Variants in RMDN2 observed in about 807,000 individuals in gnomAD.
RMDN2 encodes regulator of microtubule dynamics 2.
In RMDN2, 61 loss-of-function variants were observed where a neutral mutation model predicts 52.8. The observed-to-expected ratio is 1.16, with a 90% CI of 0.94 to 1.43. RMDN2 has a LOEUF of 1.43. Ranked by LOEUF, RMDN2 falls within the 40% of genes most tolerant of loss-of-function variation. The pLI is 0.00. For synonymous variants in RMDN2, 180 were observed against 153.1 expected (o/e 1.18, Z -1.30); for missense variants, 592 against 475.3 (o/e 1.25, Z -2.28).
chr2:37,982,464 G>T (rs1673451135), intron 5 of RMDN2, among the ~76,000 whole-genome samples: 1 of 152,128 alleles, frequency 6.6e-6, no homozygotes, highest in African/African-American at 2.4e-5. Flanking sequence ...TGAGAGAGTG[G>T]AAGGCAGAAC....
chr2:38,024,595 T>C (rs1679638209), intron 10 of RMDN2, among the ~76,000 whole-genome samples: 1 of 152,202 alleles, frequency 6.6e-6, no homozygotes, highest in Admixed American at 6.5e-5. Flanking sequence ...GAAGTATCTA[T>C]TCAAATATTT....
chr2:37,950,258 T>A (rs1668610525), intron 2 of RMDN2: 2 of 467,834 alleles, frequency 4.3e-6, no homozygotes, highest in South Asian at 4.1e-5. Context: ...AGCTGTCATA[T>A]ATGTTATTGT....
At chr2:38,003,709 A>G (rs1045303593) in intron 8 of RMDN2, among the ~76,000 whole-genome samples, 5 of 152,210 alleles carry the variant, frequency 3.3e-5, no homozygotes, top group Admixed American at 2.6e-4. Context: ...ACTGAGGAAA[A>G]TGATTATGTA....
At chr2:38,010,132 C>T (rs1677742285) in intron 10 of RMDN2, among the ~76,000 whole-genome samples, 1 of 152,132 alleles carries the variant, frequency 6.6e-6, no homozygotes. Context: ...CTGGGTGGTG[C>T]CTCCCAGTTA....
chr2:38,038,252 G>A (rs1432491304), intron 10 of RMDN2, among the ~76,000 whole-genome samples: 2 of 152,112 alleles, frequency 1.3e-5, no homozygotes, highest in Non-Finnish European at 1.5e-5. Context: ...GGAGCGCAGC[G>A]CCCCCCGGGC....
At chr2:37,961,985 C>G (rs1195889367) in intron 2 of RMDN2, among the ~76,000 whole-genome samples, 1 of 152,238 alleles carries the variant, frequency 6.6e-6, no homozygotes, top group Non-Finnish European at 1.5e-5. Context: ...TGGGAGTCCA[C>G]TCCAAACACT....
intron 10 of RMDN2, among the ~76,000 whole-genome samples, chr2:38,041,625 C>T (rs1680960285): frequency 6.6e-6 from 1 of 151,872 alleles, no homozygotes; most frequent in African/African-American, 2.4e-5. Flanking sequence ...CTCCTTTTTA[C>T]TGAGAGTTTT....
intron 6 of RMDN2, among the ~76,000 whole-genome samples, chr2:37,990,395 T>C (rs1674619361): frequency 6.6e-6 from 1 of 150,774 alleles, no homozygotes; most frequent in Non-Finnish European, 1.5e-5. Flanking sequence ...GGCGGGCGCC[T>C]GTAATCCCAG....
intron 10 of RMDN2, among the ~76,000 whole-genome samples, chr2:38,043,671 G>A (rs1425707662): frequency 1.3e-5 from 2 of 151,596 alleles, no homozygotes; most frequent in Non-Finnish European, 2.9e-5. Context: ...AAACATTTTT[G>A]TGGTTGTCCT....
At chr2:37,927,595 T>C (rs1294399875) in intron 1 of RMDN2, among the ~76,000 whole-genome samples, 1 of 152,212 alleles carries the variant, frequency 6.6e-6, no homozygotes, top group East Asian at 1.9e-4. Flanking sequence ...AAGTCCAAGG[T>C]ATGGGCAAAA....
At chr2:37,943,331 G>A (rs768324912) in intron 2 of RMDN2, among the ~76,000 whole-genome samples, 3 of 152,190 alleles carry the variant, frequency 2.0e-5, no homozygotes, top group Non-Finnish European at 2.9e-5. Flanking sequence ...GAGGACCAAG[G>A]TGTCACAGAA....
Position 38,017,655 on chromosome 2 carries a change from C to T in RMDN2, c.*416C>T. ...GCAAAGGACATGAACAAGTTGTTGG[C>T]AGAAGAGGAAAAACAAACAAATGTA... On this transcript the variant is annotated 3_prime_UTR_variant, in exon 11 of 11. Transcript: ENST00000354545. 1.2e-6 allele frequency: 1 copy of T among 868,354 alleles called. No homozygotes were observed. The highest frequency in any genetic ancestry group is 3.7e-5 in the Admixed American group (1 of 26,754). The allele number at this position is 868,354 out of a possible 1,614,324, so 53.8% of individuals were successfully genotyped here.
intron 2 of RMDN2, among the ~76,000 whole-genome samples, chr2:37,964,097 A>G (rs1463921854): frequency 1.3e-5 from 2 of 149,678 alleles, no homozygotes; most frequent in Admixed American, 1.3e-4. Context: ...CACTTCCCAG[A>G]CGGGGCGGCT....
intron 2 of RMDN2, among the ~76,000 whole-genome samples, chr2:37,971,719 G>A (rs1248935880): frequency 6.6e-6 from 1 of 152,034 alleles, no homozygotes; most frequent in Non-Finnish European, 1.5e-5. Context: ...ATCTATTGCT[G>A]TACCAATACC....
chr2:38,012,964 CT>C (rs1216033329), intron 10 of RMDN2, among the ~76,000 whole-genome samples: 3 of 152,216 alleles, frequency 2.0e-5, no homozygotes, highest in African/African-American at 7.2e-5. Flanking sequence ...GAACTCTCAG[CT>C]CATCACACTG....
intron 5 of RMDN2, 133 bp downstream of exon 5, chr2:37,981,476 C>T (rs558537863): frequency 1.3e-5 from 8 of 619,084 alleles, no homozygotes; most frequent in African/African-American, 7.4e-5. Context: ...TGTATAATAG[C>T]ACAGTAACTG....
chr2:38,017,954 A>C (rs1293599036), downstream of RMDN2, among the ~76,000 whole-genome samples: 1 of 150,066 alleles, frequency 6.7e-6, no homozygotes, highest in African/African-American at 2.5e-5. Flanking sequence ...GGGGGTAACA[A>C]GGTGCTCATT....
chr2:38,056,548 G>A (rs377317498), intron 10 of RMDN2, among the ~76,000 whole-genome samples: 17 of 152,242 alleles, frequency 1.1e-4, no homozygotes, highest in African/African-American at 4.1e-4. Flanking sequence ...ATAAATGATG[G>A]CCTGGATGAT....
intron 10 of RMDN2, chr2:38,026,946 C>G (rs1679825517): frequency 1.3e-5 from 2 of 150,178 alleles, no homozygotes; most frequent in Admixed American, 1.3e-4. Context: ...TTTTTGTTTT[C>G]AGGTATCTTT....
Sources: allele counts gnomAD v4.1 joint callset (sites outside exome capture counted in the v4.1 genomes callset), GRCh38; gene constraint gnomAD v4.1.1; transcripts MANE v1.5; gene names NCBI Gene and HGNC (gene_info 2026-07-23, HGNC 2026-07-21).